CEP85L: variants seen among roughly 807,000 people sequenced by gnomAD.
The protein encoded by CEP85L is centrosomal protein of 85 kDa-like.
A neutral mutation model predicts 100.3 loss-of-function variants in CEP85L; 60 were observed. The observed-to-expected ratio is 0.60, with a 90% CI of 0.49 to 0.74. CEP85L has a LOEUF of 0.74. CEP85L is among the 30% of genes least tolerant of loss of function. The probability of loss-of-function intolerance (pLI) is 0.00; values close to 1 mark genes in which losing one functional copy is unlikely to be tolerated. For missense variants in CEP85L, 973 were observed against 936.2 expected, an observed-to-expected ratio of 1.04 and a Z score of -0.51; for synonymous variants, 319 against 322.7, an observed-to-expected ratio of 0.99 and a Z score of 0.12.
At chr6:118,696,671 C>T (rs1184191969) in intron 1 of CEP85L, among the ~76,000 whole-genome samples, 1 of 152,086 alleles carries the variant, frequency 6.6e-6, no homozygotes, top group Non-Finnish European at 1.5e-5. Flanking sequence ...ACTAAACCTC[C>T]ACAGAGTTTT....
At chr6:118,648,895 A>G (rs1011887629) in intron 1 of CEP85L, among the ~76,000 whole-genome samples, 6 of 152,206 alleles carry the variant, frequency 3.9e-5, no homozygotes, top group Non-Finnish European at 7.4e-5. Flanking sequence ...GAAATTATTT[A>G]CTTATCCCTG....
chr6:118,488,279 T>C (rs1774325594), intron 6 of CEP85L, among the ~76,000 whole-genome samples: 1 of 151,798 alleles, frequency 6.6e-6, no homozygotes, highest in South Asian at 2.1e-4. Context: ...ATACCCAACA[T>C]AAAGATGCTC....
At chr6:118,547,523 T>C (rs922207780) in intron 3 of CEP85L, among the ~76,000 whole-genome samples, 2 of 152,158 alleles carry the variant, frequency 1.3e-5, no homozygotes, top group Non-Finnish European at 2.9e-5. Context: ...TGCATCAGTT[T>C]ATTAAAAATT....
At chr6:118,661,427 C>T (rs956797819) in intron 1 of CEP85L, among the ~76,000 whole-genome samples, 33 of 151,992 alleles carry the variant, frequency 2.2e-4, no homozygotes, top group Non-Finnish European at 4.0e-4. Flanking sequence ...TTTCTAAATA[C>T]GTTTCAATAA....
At chr6:118,705,214 G>A (rs772798876) in intron 1 of CEP85L, among the ~76,000 whole-genome samples, 1 of 152,128 alleles carries the variant, frequency 6.6e-6, no homozygotes, top group South Asian at 2.1e-4. Context: ...AAAAGAAAAC[G>A]AGAGGTGCTG....
chr6:118,582,729 G>A (rs953696524), intron 2 of CEP85L, among the ~76,000 whole-genome samples: 3 of 152,182 alleles, frequency 2.0e-5, no homozygotes, highest in African/African-American at 7.2e-5. Context: ...GGCTAAGAGA[G>A]GCACTAATAA....
At chr6:118,591,823 C>T (rs540009747) in intron 2 of CEP85L, among the ~76,000 whole-genome samples, 3 of 152,058 alleles carry the variant, frequency 2.0e-5, no homozygotes, top group Non-Finnish European at 2.9e-5. Context: ...ACCTGGACAC[C>T]CTCCACCGGT....
chr6:118,546,203 G>A (rs781759083), intron 3 of CEP85L, among the ~76,000 whole-genome samples: 125 of 152,002 alleles, frequency 8.2e-4, no homozygotes, highest in Non-Finnish European at 1.3e-3. Context: ...AAAGGAACAA[G>A]GTAAACACAA....
Position 118,463,180 on chromosome 6 carries a change from T to C in CEP85L, c.*2225A>G, listed in dbSNP as rs1046207202. 2.0e-5 allele frequency: 3 copies of C among 151,824 alleles called. No individual in the cohort carries two copies. The highest frequency in any genetic ancestry group is 2.0e-4 in the Admixed American group (3 of 15,222). The allele number at this position is 151,824 out of a possible 1,614,324, so 9.4% of individuals were successfully genotyped here. A position where few individuals can be genotyped will look rare whatever the true frequency, so the allele number is the denominator to read the frequency against. On this transcript the variant is annotated 3_prime_UTR_variant, in exon 13 of 13. Transcript: ENST00000368491. ...GAAAGCTAACTTACAAATAAATTATTTTATCCCCAACTAAGCCAAAAAACA... is the reference window on the plus strand; with the variant it reads ...GAAAGCTAACTTACAAATAAATTATCTTATCCCCAACTAAGCCAAAAAACA...
chr6:118,687,150 C>T (rs72962908), intron 1 of CEP85L, among the ~76,000 whole-genome samples: 4,135 of 152,266 alleles, frequency 0.027, 81 homozygotes, highest in Non-Finnish European at 0.04. Flanking sequence ...ATCCAGGTCT[C>T]CCCTCAAATG....
chr6:118,689,509 G>GA (rs1278426604), intron 1 of CEP85L, among the ~76,000 whole-genome samples: 2 of 152,108 alleles, frequency 1.3e-5, no homozygotes, highest in Non-Finnish European at 2.9e-5. Flanking sequence ...AATGTAGCAG[G>GA]AAAAAAATTT....
intron 2 of CEP85L, among the ~76,000 whole-genome samples, chr6:118,567,356 C>A (rs1165893068): frequency 6.7e-6 from 1 of 148,450 alleles, no homozygotes; most frequent in Non-Finnish European, 1.5e-5. Flanking sequence ...TTATTAAATC[C>A]CCAAGTTGTA....
At chr6:118,502,564 T>G in intron 5 of CEP85L, 1 of 475,694 alleles carries the variant, frequency 2.1e-6, no homozygotes, top group Non-Finnish European at 4.0e-6. Context: ...CTGAAAGCAG[T>G]AACAAACTTT....
At chr6:118,542,040 A>G (rs1312205070) in intron 3 of CEP85L, among the ~76,000 whole-genome samples, 3 of 152,168 alleles carry the variant, frequency 2.0e-5, no homozygotes, top group Non-Finnish European at 4.4e-5. Flanking sequence ...GAAAAAAGAG[A>G]ATTTAACAGA....
rs538849960 is a variant in CEP85L at position 118,633,528 on chromosome 6, CTTT to C, written c.74-920_74-918del. 3.1e-4 allele frequency among the ~76,000 whole-genome samples: 47 copies of C among 152,236 alleles called. No individual in the cohort carries two copies. In the South Asian group the frequency reaches 8.7e-3, roughly 28 times the overall value. On this transcript the variant is annotated intron_variant, in intron 1 of 12. Coordinates refer to ENST00000368491, the MANE Select transcript of CEP85L (RefSeq NM_001042475.3). Reference sequence around the variant, plus strand: ...TAGATTTGTCCTTTTAATTTAAATACTTTTTAGCTAATTTAAGGTTTTTCAATG... The same window carrying C: ...TAGATTTGTCCTTTTAATTTAAATACTTAGCTAATTTAAGGTTTTTCAATG...
At chr6:118,562,263 CAG>C (rs1390420277) in intron 3 of CEP85L, among the ~76,000 whole-genome samples, 1 of 152,056 alleles carries the variant, frequency 6.6e-6, no homozygotes, top group Non-Finnish European at 1.5e-5. Context: ...CAGGACGTAA[CAG>C]AATACTTTAA....
rs146068273 is a variant in CEP85L, at chr6:118,609,245, TAAA to T, written c.232+23205_232+23207del. On this transcript the variant is annotated intron_variant, in intron 2 of 12. Coordinates refer to ENST00000368491, the MANE Select transcript of CEP85L (RefSeq NM_001042475.3). ...TGGGGACCTCTTGAAAAGCAAGAAT[TAAA>T]GAAGGAAACGAAATAAAGGGAGACT... Among the ~76,000 whole-genome samples, 569 of 152,246 alleles carry T rather than the reference TAAA, an allele frequency of 3.7e-3. 3 individuals carry two copies. The highest frequency in any genetic ancestry group is 0.013 in the African/African-American group (540 of 41,558).
chr6:118,693,947 A>G lies in CEP85L; in HGVS notation c.-28+16089T>C, dbSNP rs569819807. Among the ~76,000 whole-genome samples, 5 of 152,290 alleles carry G rather than the reference A, an allele frequency of 3.3e-5. No homozygotes were observed. The East Asian group carries it at 7.7e-4, about 24-fold the overall frequency. Reference sequence around the variant, plus strand: ...TTGCATGGAGGACTGGAAAGTAAGTATCTAGCATTTTGGGCTTCTGGGGTG... The same window carrying G: ...TTGCATGGAGGACTGGAAAGTAAGTGTCTAGCATTTTGGGCTTCTGGGGTG... On this transcript the variant is annotated intron_variant, in intron 1 of 13. Coordinates refer to the CEP85L transcript ENST00000368488.
In CEP85L at chr6:118,651,118, G is replaced by C. The variant is rs1234747193; in HGVS notation, c.73+79C>G. ...GGGGTAAGACAGGCCTGAGGCGGGA[G>C]GGGAGCGGCGGCGAGGTCCCGAGGC... On this transcript the variant is annotated intron_variant, in intron 1 of 12. Coordinates refer to ENST00000368491, the MANE Select transcript of CEP85L (RefSeq NM_001042475.3). 15 of 1,430,402 alleles carry C rather than the reference G, an allele frequency of 1.0e-5. No individual in the cohort carries two copies. In the Admixed American group the frequency reaches 3.7e-4, roughly 36 times the overall value. The allele number at this position is 1,430,402 out of a possible 1,614,324, so 88.6% of individuals were successfully genotyped here.
Sources: allele counts gnomAD v4.1 joint callset (sites outside exome capture counted in the v4.1 genomes callset), GRCh38; gene constraint gnomAD v4.1.1; transcripts MANE v1.5; gene names NCBI Gene and HGNC (gene_info 2026-07-23, HGNC 2026-07-21).